FRMD4A: variants seen among roughly 807,000 people sequenced by gnomAD.
FRMD4A encodes the protein FERM domain-containing protein 4A.
A neutral mutation model predicts 129.1 loss-of-function variants in FRMD4A; 29 were observed. That is an observed-to-expected ratio of 0.22 (90% CI 0.17 to 0.31). The LOEUF (loss-of-function observed/expected upper bound fraction) is 0.31, where lower values mean the gene tolerates loss of function less well. Among genes scored for constraint, FRMD4A ranks in the 10% least tolerant of loss-of-function variants. FRMD4A has a pLI of 1.00. For synonymous variants in FRMD4A, 634 were observed against 571.6 expected (o/e 1.11, Z -1.56); for missense variants, 1,272 against 1,375.8 (o/e 0.92, Z 1.19).
rs532772877 is a variant in FRMD4A at position 14,099,578 on chromosome 10, A to G, written c.45+230480T>C. Among the ~76,000 whole-genome samples the G allele has an allele frequency of 3.9e-5, 6 of 152,250 alleles. No homozygotes were observed. The South Asian group carries it at 1.2e-3, about 32-fold the overall frequency. ...GCCCTGTTTATATGTAGGTTTCACA[A>G]CCCGTGAATATGATATTTTTGATCC... is the stretch of plus-strand genomic sequence containing the variant. On this transcript the variant is annotated intron_variant, in intron 2 of 24. Coordinates refer to ENST00000357447, the MANE Select transcript of FRMD4A (RefSeq NM_018027.5).
chr10:14,102,050 C>G (rs1837333726), intron 2 of FRMD4A, among the ~76,000 whole-genome samples: 1 of 152,304 alleles, frequency 6.6e-6, no homozygotes, highest in African/African-American at 2.4e-5. Context: ...CGTTTCCACC[C>G]AGTTAAGTAC....
At chr10:14,118,102 G>A (rs1047972764) in intron 2 of FRMD4A, among the ~76,000 whole-genome samples, 1 of 152,178 alleles carries the variant, frequency 6.6e-6, no homozygotes, top group Non-Finnish European at 1.5e-5. Flanking sequence ...TTAAAAGACT[G>A]TGAAATTGCC....
intron 2 of FRMD4A, among the ~76,000 whole-genome samples, chr10:14,012,596 A>C (rs1027366255): frequency 2.0e-5 from 3 of 152,210 alleles, no homozygotes; most frequent in African/African-American, 7.2e-5. Flanking sequence ...CTGCCGAGCC[A>C]ACGTGTATGC....
intron 24 of FRMD4A, chr10:13,651,538 C>T (rs968350751): frequency 9.9e-6 from 2 of 201,848 alleles, no homozygotes; most frequent in African/African-American, 2.3e-5. Flanking sequence ...ACTAAAAATA[C>T]AAAAATTAGC....
intron 12 of FRMD4A, among the ~76,000 whole-genome samples, chr10:13,716,069 A>T (rs2088772855): frequency 6.6e-6 from 1 of 152,174 alleles, no homozygotes; most frequent in Admixed American, 6.5e-5. Flanking sequence ...GACAACTCAT[A>T]TGGTGTCATG....
chr10:13,825,315 G>T (rs2093685919), intron 3 of FRMD4A, among the ~76,000 whole-genome samples: 1 of 152,130 alleles, frequency 6.6e-6, no homozygotes, highest in African/African-American at 2.4e-5. Context: ...CTAAAGGTGG[G>T]GAGCGTCAAC....
chr10:14,175,906 T>C (rs1305930355), intron 2 of FRMD4A, among the ~76,000 whole-genome samples: 1 of 152,172 alleles, frequency 6.6e-6, no homozygotes, highest in Non-Finnish European at 1.5e-5. Flanking sequence ...GACATGTACA[T>C]CCTTTGACCA....
intron 6 of FRMD4A, among the ~76,000 whole-genome samples, chr10:13,781,290 A>T (rs1340636868): frequency 9.2e-6 from 1 of 108,392 alleles, no homozygotes; most frequent in Admixed American, 1.3e-4. Context: ...GGCGAGAGAG[A>T]CCCTGTCTTA....
intron 12 of FRMD4A, among the ~76,000 whole-genome samples, chr10:13,714,859 G>A (rs375315667): frequency 1.3e-5 from 2 of 151,898 alleles, no homozygotes; most frequent in East Asian, 3.9e-4. Context: ...CCAACATGGT[G>A]AACCTCTGTC....
At chr10:13,871,859 C>T (rs1364894359) in intron 2 of FRMD4A, among the ~76,000 whole-genome samples, 4 of 152,224 alleles carry the variant, frequency 2.6e-5, no homozygotes, top group Non-Finnish European at 4.4e-5. Flanking sequence ...CTGTGCCTCC[C>T]TTGCTACCCT....
At chr10:14,071,629 G>T (rs1489135482) in intron 2 of FRMD4A, among the ~76,000 whole-genome samples, 1 of 152,050 alleles carries the variant, frequency 6.6e-6, no homozygotes, top group Non-Finnish European at 1.5e-5. Context: ...GACGGAAAAA[G>T]AAGTTAACAT....
At chr10:13,720,651 G>C (rs191814717) in intron 12 of FRMD4A, among the ~76,000 whole-genome samples, 65 of 152,282 alleles carry the variant, frequency 4.3e-4, no homozygotes, top group Non-Finnish European at 7.9e-4. Context: ...AGCACAAATG[G>C]GAACCAGGGA....
At chr10:14,154,690 G>C (rs147651524) in intron 2 of FRMD4A, among the ~76,000 whole-genome samples, 14 of 152,290 alleles carry the variant, frequency 9.2e-5, no homozygotes, top group African/African-American at 3.4e-4. Context: ...TTTTTAGCAT[G>C]AATATGTTTC....
chr10:13,990,711 C>A (rs552763487), intron 2 of FRMD4A, among the ~76,000 whole-genome samples: 1 of 152,128 alleles, frequency 6.6e-6, no homozygotes, highest in Non-Finnish European at 1.5e-5. Flanking sequence ...AGCCCTAGGA[C>A]GGTGACCTCT....
Position 13,883,282 on chromosome 10 carries a change from G to T in FRMD4A, c.46-24370C>A, listed in dbSNP as rs1389598024. 5.3e-5 allele frequency among the ~76,000 whole-genome samples: 8 copies of T among 151,726 alleles called. No homozygotes were observed. In the East Asian group the frequency reaches 1.6e-3, roughly 30 times the overall value. On this transcript the variant is annotated intron_variant, in intron 2 of 24. Transcript: ENST00000357447. The stretch of plus-strand genomic sequence containing the variant: ...AGGCGGGTGGATTACCTGAGGTCAG[G>T]AGTTCAAGACCAGCCTGGCCAACAT...
In FRMD4A at chr10:13,925,566, CTTTTTTTTTTTTTTTTTTTTTTT is replaced by C. The variant is rs66980805; in HGVS notation, c.46-66677_46-66655del. 3.2e-4 allele frequency among the ~76,000 whole-genome samples: 20 copies of C among 61,950 alleles called. No individual in the cohort carries two copies. The East Asian group carries it at 0.015, about 47-fold the overall frequency. The allele number at this position is 61,950 out of a possible 152,430, so 40.6% of individuals were successfully genotyped here. On this transcript the variant is annotated intron_variant, in intron 2 of 24. Transcript: ENST00000357447. ...TGAAAGTTTCTATTGTAGTGAAACG[CTTTTTTTTTTTTTTTTTTTTTTT>C]TTTTTTTTTTTTGAGATGGAGTCTC...
At chr10:14,005,281 C>A (rs1389428409) in intron 2 of FRMD4A, among the ~76,000 whole-genome samples, 1 of 152,136 alleles carries the variant, frequency 6.6e-6, no homozygotes, top group Non-Finnish European at 1.5e-5. Flanking sequence ...CTCGGTCTCC[C>A]AAAGTGCTGG....
chr10:14,320,666 G>A (rs1394834736), intron 2 of FRMD4A, among the ~76,000 whole-genome samples: 1 of 152,168 alleles, frequency 6.6e-6, no homozygotes, highest in Non-Finnish European at 1.5e-5. Context: ...AGCATTTTCA[G>A]TACTTCTTAT....
At chr10:13,667,952 A>G (rs1004992027) in intron 17 of FRMD4A, 2 of 152,240 alleles carry the variant, frequency 1.3e-5, no homozygotes, top group African/African-American at 4.8e-5. Context: ...TGATCTAGCC[A>G]AATAGGAGGA....
Sources: allele counts gnomAD v4.1 joint callset (sites outside exome capture counted in the v4.1 genomes callset), GRCh38; gene constraint gnomAD v4.1.1; transcripts MANE v1.5; gene names NCBI Gene and HGNC (gene_info 2026-07-23, HGNC 2026-07-21).